The following PIK3CD variants were observed in gnomAD, a reference collection of about 807,000 sequenced individuals.
The protein encoded by PIK3CD is phosphatidylinositol 4,5-bisphosphate 3-kinase catalytic subunit delta isoform.
A neutral mutation model predicts 122.9 loss-of-function variants in PIK3CD; 20 were observed. That is an observed-to-expected ratio of 0.16 (90% CI 0.11 to 0.24). The LOEUF is 0.24. Ranked by LOEUF, PIK3CD falls within the 10% of genes least tolerant of loss-of-function variation. The pLI is 1.00. For synonymous variants in PIK3CD, 596 were observed against 593.4 expected (o/e 1.00, Z -0.06); for missense variants, 787 against 1,406.3 (o/e 0.56, Z 7.04).
Position 9,710,660 on chromosome 1 carries a change from G to A in PIK3CD, c.141+64G>A, listed in dbSNP as rs1647011233. The A allele has an allele frequency of 6.9e-7, 1 of 1,443,602 alleles. No individual in the cohort carries two copies. Among genetic ancestry groups the A allele is most frequent in the Non-Finnish European group, 9.7e-7 (1 of 1,035,632 alleles). The allele number at this position is 1,443,602 out of a possible 1,614,324, so 89.4% of individuals were successfully genotyped here. A position where few individuals can be genotyped will look rare whatever the true frequency, so the allele number is the denominator to read the frequency against. On this transcript the variant is annotated intron_variant, in intron 3 of 23. Coordinates refer to ENST00000377346, the MANE Select transcript of PIK3CD (RefSeq NM_005026.5). The surrounding 1 kb of genome is among the most constrained non-coding windows in gnomAD (Gnocchi z 4.7). ...AGAGAGAGAGAGAGAGAGAGACACAGATAGACAGACAGACAGACAGACAGA... is the reference window on the plus strand; with the variant it reads ...AGAGAGAGAGAGAGAGAGAGACACAAATAGACAGACAGACAGACAGACAGA...
intron 1 of PIK3CD, chr1:9,680,637 T>A (rs747573409): frequency 3.9e-5 from 6 of 153,500 alleles, no homozygotes; most frequent in African/African-American, 9.6e-5. Context: ...TGGGGTTGAG[T>A]TTGCACCTTA....
At chr1:9,632,839 T>C in the PIK3CD span, among the ~76,000 whole-genome samples, 1 of 151,260 alleles carries the variant, frequency 6.6e-6, no homozygotes, top group Admixed American at 6.6e-5. Flanking sequence ...GGAGGTGATA[T>C]AATTACCTTA....
chr1:9,690,698 A>T (rs1316570737), intron 1 of PIK3CD, among the ~76,000 whole-genome samples: 1 of 152,182 alleles, frequency 6.6e-6, no homozygotes, highest in Non-Finnish European at 1.5e-5. Flanking sequence ...GTGTTCCTGC[A>T]ACCCATGCCT....
In PIK3CD at chr1:9,715,348, G is replaced by A. The variant is rs1647254668; in HGVS notation, c.142-193G>A. The stretch of plus-strand genomic sequence containing the variant: ...ACCTCCCAGGTGCCCCCACAGAAGG[G>A]CATCAGTGGAGAAGCCTGTCCACCC... On this transcript the variant is annotated intron_variant, in intron 3 of 23. Transcript: ENST00000377346. This position sits in a 1 kb window ranked among gnomAD's most constrained non-coding sequence, Gnocchi z 4.1. 6.6e-6 allele frequency among the ~76,000 whole-genome samples: 1 copy of A among 152,182 alleles called. No homozygotes were observed. The highest frequency in any genetic ancestry group is 2.4e-5 in the African/African-American group (1 of 41,448).
chr1:9,642,109 AT>A, the PIK3CD span, among the ~76,000 whole-genome samples: 1 of 151,790 alleles, frequency 6.6e-6, no homozygotes, highest in Non-Finnish European at 1.5e-5. Flanking sequence ...ATTTAATTTA[AT>A]TTAATTAACT....
upstream of PIK3CD, among the ~76,000 whole-genome samples, chr1:9,647,428 G>A (rs12034039): frequency 0.29 from 43,099 of 149,806 alleles, 7,379 homozygotes; most frequent in East Asian, 0.65. Context: ...TCTTTTAAAA[G>A]TTAAGATTAC....
At chr1:9,664,146 T>C (rs748221309) in intron 1 of PIK3CD, among the ~76,000 whole-genome samples, 12 of 150,608 alleles carry the variant, frequency 8.0e-5, no homozygotes, top group Non-Finnish European at 1.5e-4. Context: ...CCTCCCGGGT[T>C]CAAGTGATTC....
chr1:9,661,111 T>C (rs1644996638), intron 1 of PIK3CD, among the ~76,000 whole-genome samples: 1 of 152,036 alleles, frequency 6.6e-6, no homozygotes, highest in Non-Finnish European at 1.5e-5. Context: ...ATTTGTGTAT[T>C]TTTAGTAGAG....
the PIK3CD span, among the ~76,000 whole-genome samples, chr1:9,645,640 C>G: frequency 2.1e-5 from 3 of 143,256 alleles, no homozygotes; most frequent in East Asian, 6.2e-4. Context: ...GAGTTTCGCT[C>G]TTGTTGCCCA....
In PIK3CD at chr1:9,695,251, G is replaced by T. The variant is rs541320123; in HGVS notation, c.-33+3680G>T. Among the ~76,000 whole-genome samples, 4 of 152,098 alleles carry T rather than the reference G, an allele frequency of 2.6e-5. No individual in the cohort carries two copies. In the South Asian group the frequency reaches 8.3e-4, roughly 32 times the overall value. ...TAGGAAAGAAAATATAGAAAAATTT[G>T]ACTTCAGTCCAGGAGACCCAGCATG... is the stretch of plus-strand genomic sequence containing the variant. On this transcript the variant is annotated intron_variant, in intron 2 of 23. Transcript: ENST00000377346.
chr1:9,720,289 T>C lies in PIK3CD; in HGVS notation c.1470+47T>C. ...TGAGGCTGAGGGGCTGGCGCGGAGC[T>C]CTCCTGGCCCTGCTCCTGGAGCTCT... On this transcript the variant is annotated intron_variant, in intron 11 of 23. Coordinates refer to ENST00000377346, the MANE Select transcript of PIK3CD (RefSeq NM_005026.5). The surrounding 1 kb of genome is among the most constrained non-coding windows in gnomAD (Gnocchi z 9.0). 2 of 1,577,192 alleles carry C rather than the reference T, an allele frequency of 1.3e-6. No individual in the cohort carries two copies. The highest frequency in any genetic ancestry group is 1.1e-5 in the South Asian group (1 of 87,258).
At chr1:9,633,141 G>A in the PIK3CD span, among the ~76,000 whole-genome samples, 3 of 152,158 alleles carry the variant, frequency 2.0e-5, no homozygotes, top group Admixed American at 6.5e-5. Flanking sequence ...GATTACAGGC[G>A]TGAGCCACCG....
At chr1:9,712,662 T>C (rs1647103502) in intron 3 of PIK3CD, among the ~76,000 whole-genome samples, 1 of 152,216 alleles carries the variant, frequency 6.6e-6, no homozygotes, top group Admixed American at 6.5e-5. Context: ...GAGAGTTTTT[T>C]CTTCTTCTCT....
chr1:9,662,122 G>T (rs1645026692), intron 1 of PIK3CD, among the ~76,000 whole-genome samples: 1 of 151,874 alleles, frequency 6.6e-6, no homozygotes, highest in Non-Finnish European at 1.5e-5. Flanking sequence ...CCGAGATCAT[G>T]CCACTGCACT....
At chr1:9,634,499 A>T in the PIK3CD span, among the ~76,000 whole-genome samples, 1 of 151,792 alleles carries the variant, frequency 6.6e-6, no homozygotes, top group Admixed American at 6.6e-5. Flanking sequence ...GGGCCTCGCC[A>T]TGTTGCCCAG....
chr1:9,720,908 A>G lies in PIK3CD; in HGVS notation c.1688A>G (p.Gln563Arg). The change falls in exon 13 of 24, where the codon CAG (glutamine) becomes CGG (arginine). Residue 563 changes from glutamine to arginine, a missense_variant and splice_region_variant. By Grantham distance (43) the Gln-to-Arg change is conservative (BLOSUM62 1). Coordinates refer to ENST00000377346, the MANE Select transcript of PIK3CD (RefSeq NM_005026.5). The surrounding 1 kb of genome is among the most constrained non-coding windows in gnomAD (Gnocchi z 9.0). ...TGGAACAAGCATGAGGATGTGGCCC[A>G]GGTGGGTGGGGAGGCGCACCTGGGG... The part of the protein sequence containing the change: ...TKWNKHEDVA[Q>R]MLYLLCSWPE... The G allele has an allele frequency of 6.3e-7, 1 of 1,588,054 alleles. No homozygotes were observed. Among genetic ancestry groups the G allele is most frequent in the Non-Finnish European group, 8.6e-7 (1 of 1,167,630 alleles).
chr1:9,685,641 G>A (rs1645938114), intron 1 of PIK3CD, among the ~76,000 whole-genome samples: 1 of 152,166 alleles, frequency 6.6e-6, no homozygotes, highest in African/African-American at 2.4e-5. Flanking sequence ...TTACAGGCGT[G>A]AGCCACTGCG....
At chr1:9,646,297 G>A in the PIK3CD span, among the ~76,000 whole-genome samples, 3 of 152,240 alleles carry the variant, frequency 2.0e-5, no homozygotes, top group South Asian at 2.1e-4. Flanking sequence ...CCTCAGCCCC[G>A]GTAAGTTCAT....
intron 2 of PIK3CD, among the ~76,000 whole-genome samples, chr1:9,709,941 G>T (rs1646983138): frequency 6.6e-6 from 1 of 152,012 alleles, no homozygotes; most frequent in African/African-American, 2.4e-5. Context: ...AAGAGGCGGA[G>T]ATTGCAGTGA....
Sources: gnomAD v4.1 joint callset for allele counts (sites outside exome capture counted in the v4.1 genomes callset) on GRCh38, gnomAD v4.1.1 for gene constraint, Gnocchi (gnomAD v3.1) non-coding constraint, MANE v1.5 for transcripts, NCBI Gene and HGNC (gene_info 2026-07-23, HGNC 2026-07-21) for gene names.